RREB1: variants seen among roughly 807,000 people sequenced by gnomAD.
The protein encoded by RREB1 is ras-responsive element-binding protein 1.
Under a neutral mutation model 117.8 loss-of-function variants are expected in RREB1, and 27 were observed. The ratio of observed to expected loss-of-function variants is 0.23; its 90% CI spans 0.17 to 0.32. RREB1 has a LOEUF of 0.32. Ranked by LOEUF, RREB1 falls within the 10% of genes least tolerant of loss-of-function variation. The pLI is 1.00. For missense variants in RREB1, 2,577 were observed against 2,378.2 expected, an observed-to-expected ratio of 1.08 and a Z score of -1.74; for synonymous variants, 1,298 against 1,026.7, an observed-to-expected ratio of 1.26 and a Z score of -5.05.
intron 1 of RREB1, among the ~76,000 whole-genome samples, chr6:7,122,148 T>A (rs1027710665): frequency 2.0e-5 from 3 of 152,236 alleles, no homozygotes. Flanking sequence ...GTGAGCATGC[T>A]CCAAAGAAGC....
intron 11 of RREB1, among the ~76,000 whole-genome samples, chr6:7,242,790 A>G (rs1294253290): frequency 1.3e-5 from 2 of 151,788 alleles, no homozygotes; most frequent in Non-Finnish European, 2.9e-5. Context: ...ATTCCTACAC[A>G]TGTTTTATAA....
At position 7,249,095 on chromosome 6, in the gene RREB1, G is replaced by C. The variant is rs978716429; in HGVS notation, c.*127G>C. ...AGAGAGAGAGAGAGAGAGAGAGAGA[G>C]AGAGAGAGACAAGCAGGAGCGTGGC... On this transcript the variant is annotated 3_prime_UTR_variant, in exon 13 of 13. Transcript: ENST00000379938. 4 of 717,196 alleles carry C rather than the reference G, an allele frequency of 5.6e-6. No homozygotes were observed. The highest frequency in any genetic ancestry group is 3.1e-5 in the East Asian group (1 of 31,788). The allele number at this position is 717,196 out of a possible 1,614,324, so 44.4% of individuals were successfully genotyped here.
intron 1 of RREB1, among the ~76,000 whole-genome samples, chr6:7,141,008 G>C (rs1581438886): frequency 6.6e-6 from 1 of 152,254 alleles, no homozygotes; most frequent in African/African-American, 2.4e-5. Context: ...GAGTAGAGTT[G>C]TGTTCGCACA....
intron 1 of RREB1, among the ~76,000 whole-genome samples, chr6:7,174,867 C>G (rs1474365790): frequency 6.6e-6 from 1 of 152,118 alleles, no homozygotes; most frequent in African/African-American, 2.4e-5. Context: ...CCTCAGTGTC[C>G]CTAAGTGCTG....
intron 11 of RREB1, 149 bp from the exon 12 acceptor site, chr6:7,246,275 C>T (rs566857236): frequency 2.8e-5 from 17 of 610,808 alleles, no homozygotes; most frequent in South Asian, 2.4e-4. Flanking sequence ...GGGGATGTAA[C>T]AGGTGGTGAG....
In RREB1 at chr6:7,231,596, A is replaced by G. The variant is rs535803998; in HGVS notation, c.3497A>G (p.Asn1166Ser). 6.8e-6 allele frequency: 11 copies of G among 1,612,008 alleles called. No homozygotes were observed. Among genetic ancestry groups the G allele is most frequent in the South Asian group, 4.4e-5 (4 of 91,020 alleles). The change falls in exon 10 of 13, where the codon AAC (asparagine) becomes AGC (serine). Residue 1166 changes from asparagine (N) to serine (S), a missense_variant. Asn to Ser is a conservative substitution (Grantham distance 46). Transcript: ENST00000379938. The part of the protein sequence containing the change: ...KRGMRSRPRA[N>S]SGGVDLDSSG... ...GGGATGAGGAGCCGACCCCGCGCCA[A>G]CAGCGGCGGGGTGGACCTGGACTCC...
intron 1 of RREB1, among the ~76,000 whole-genome samples, chr6:7,108,342 C>CTCCTCCCT (rs1760937270): frequency 6.6e-6 from 1 of 151,268 alleles, no homozygotes; most frequent in Non-Finnish European, 1.5e-5. Flanking sequence ...TCCTCCTCCC[C>CTCCTCCCT]TTCCTCCGCT....
intron 8 of RREB1, chr6:7,213,947 A>C (rs1430929534): frequency 6.6e-6 from 1 of 152,284 alleles, no homozygotes; most frequent in African/African-American, 2.4e-5. Flanking sequence ...GAGCAGTCCA[A>C]GCCTGCATAG....
chr6:7,110,119 T>G (rs1761061901), intron 1 of RREB1, among the ~76,000 whole-genome samples: 1 of 152,186 alleles, frequency 6.6e-6, no homozygotes, highest in South Asian at 2.1e-4. Flanking sequence ...TTTTTTCCCC[T>G]TTATATATGT....
intron 10 of RREB1, among the ~76,000 whole-genome samples, chr6:7,235,644 T>C (rs1768271007): frequency 6.6e-6 from 1 of 152,150 alleles, no homozygotes; most frequent in South Asian, 2.1e-4. Context: ...TCTAGCTGAG[T>C]TCCAGCCAGA....
chr6:7,248,215 A>G (rs1769217352), intron 12 of RREB1, among the ~76,000 whole-genome samples: 1 of 152,226 alleles, frequency 6.6e-6, no homozygotes, highest in Non-Finnish European at 1.5e-5. Context: ...GGTCGAGGCC[A>G]GTCTGCACAT....
chr6:7,164,073 G>T (rs529461061), intron 1 of RREB1, among the ~76,000 whole-genome samples: 1 of 152,264 alleles, frequency 6.6e-6, no homozygotes, highest in East Asian at 1.9e-4. Context: ...AAGTTCTGTG[G>T]GGGGACAGCA....
At chr6:7,206,812 C>G in intron 6 of RREB1, among the ~76,000 whole-genome samples, 1 of 126,190 alleles carries the variant, frequency 7.9e-6, no homozygotes, top group East Asian at 2.9e-4. Context: ...GTTTTCCAGG[C>G]AGGAGCAGCA....
At chr6:7,232,707 TA>T (rs1170483668) in intron 10 of RREB1, among the ~76,000 whole-genome samples, 4 of 151,744 alleles carry the variant, frequency 2.6e-5, no homozygotes, top group Non-Finnish European at 5.9e-5. Context: ...AAATTCTAAG[TA>T]ACAAACTTAA....
intron 1 of RREB1, among the ~76,000 whole-genome samples, chr6:7,163,103 G>A (rs1763747793): frequency 6.6e-6 from 1 of 152,186 alleles, no homozygotes; most frequent in African/African-American, 2.4e-5. Flanking sequence ...GTGTCTTTTG[G>A]AGGAAGCCTT....
intron 1 of RREB1, among the ~76,000 whole-genome samples, chr6:7,115,862 C>T (rs1761373519): frequency 6.6e-6 from 1 of 152,158 alleles, no homozygotes; most frequent in African/African-American, 2.4e-5. Flanking sequence ...ATCCACCCAG[C>T]CTTCTAGGCC....
intron 1 of RREB1, among the ~76,000 whole-genome samples, chr6:7,146,069 T>C (rs963840016): frequency 1.3e-5 from 2 of 151,346 alleles, no homozygotes; most frequent in African/African-American, 4.9e-5. Flanking sequence ...CCCAGGACTT[T>C]AATACATCTT....
chr6:7,180,460 A>G (rs1027595136), intron 2 of RREB1, among the ~76,000 whole-genome samples: 1 of 152,224 alleles, frequency 6.6e-6, no homozygotes, highest in Non-Finnish European at 1.5e-5. Flanking sequence ...ATTAGCACAC[A>G]TTGTGGGATA....
chr6:7,189,738 C>A (rs768998800), intron 6 of RREB1, among the ~76,000 whole-genome samples: 1 of 152,096 alleles, frequency 6.6e-6, no homozygotes, highest in African/African-American at 2.4e-5. Flanking sequence ...AAGTCTGGGA[C>A]CTTTTAATAA....
Sources: allele counts gnomAD v4.1 joint callset (sites outside exome capture counted in the v4.1 genomes callset), GRCh38; gene constraint gnomAD v4.1.1; transcripts MANE v1.5; gene names NCBI Gene and HGNC (gene_info 2026-07-23, HGNC 2026-07-21).